ARFIP1: variants seen among roughly 807,000 people sequenced by gnomAD.
ARFIP1 encodes arfaptin-1.
A neutral mutation model predicts 42.5 loss-of-function variants in ARFIP1; 24 were observed. The ratio of observed to expected loss-of-function variants is 0.57; its 90% CI spans 0.41 to 0.80. The LOEUF (loss-of-function observed/expected upper bound fraction) is 0.80, where lower values mean the gene tolerates loss of function less well. ARFIP1 is among the 30% of genes least tolerant of loss of function. ARFIP1 has a pLI of 0.00. For missense variants in ARFIP1, 354 were observed against 434.0 expected, an observed-to-expected ratio of 0.82 and a Z score of 1.64; for synonymous variants, 141 against 153.7, an observed-to-expected ratio of 0.92 and a Z score of 0.61.
chr4:152,892,840 C>T (rs991202135), intron 8 of ARFIP1, among the ~76,000 whole-genome samples: 1 of 152,162 alleles, frequency 6.6e-6, no homozygotes, highest in African/African-American at 2.4e-5. Flanking sequence ...CTCTGATATT[C>T]TCTTCTTTGT....
At chr4:152,808,795 G>T (rs778383989) in intron 1 of ARFIP1, among the ~76,000 whole-genome samples, 2 of 152,166 alleles carry the variant, frequency 1.3e-5, no homozygotes, top group African/African-American at 4.8e-5. Context: ...GGAGCCGGGC[G>T]TGGTGGCTTT....
At chr4:152,796,197 T>G (rs1426691814) in intron 1 of ARFIP1, 6 of 788,322 alleles carry the variant, frequency 7.6e-6, no homozygotes, top group African/African-American at 1.7e-5. Context: ...TGACAGTCTT[T>G]AGTAATAACA....
intron 1 of ARFIP1, chr4:152,809,624 A>G (rs1729289753): frequency 6.6e-6 from 1 of 152,202 alleles, no homozygotes; most frequent in South Asian, 2.1e-4. Flanking sequence ...TAAAATCTTT[A>G]TTAGATATGT....
At chr4:152,895,692 A>T (rs938989373) in intron 8 of ARFIP1, among the ~76,000 whole-genome samples, 2 of 150,162 alleles carry the variant, frequency 1.3e-5, no homozygotes, top group Admixed American at 1.3e-4. Flanking sequence ...TTTAGAGTAG[A>T]TGGGATGACA....
At chr4:152,866,526 GCGGC>G (rs1734368048) in intron 3 of ARFIP1, among the ~76,000 whole-genome samples, 5 of 104,754 alleles carry the variant, frequency 4.8e-5, no homozygotes, top group South Asian at 2.9e-4. Context: ...CCCGGACGGG[GCGGC>G]TGGCCGCGCG....
intron 8 of ARFIP1, among the ~76,000 whole-genome samples, chr4:152,889,911 A>G (rs1309941917): frequency 7.3e-6 from 1 of 137,424 alleles, no homozygotes; most frequent in Non-Finnish European, 1.5e-5. Flanking sequence ...ATATATACTA[A>G]TATATAGTGT....
At chr4:152,827,742 G>A (rs1237253030) in intron 1 of ARFIP1, among the ~76,000 whole-genome samples, 2 of 152,076 alleles carry the variant, frequency 1.3e-5, no homozygotes, top group African/African-American at 4.8e-5. Context: ...GTGTTGTGAT[G>A]TTGGCTCACA....
At chr4:152,800,959 A>T (rs1199278507) in intron 1 of ARFIP1, among the ~76,000 whole-genome samples, 1 of 152,152 alleles carries the variant, frequency 6.6e-6, no homozygotes, top group East Asian at 1.9e-4. Flanking sequence ...AAAAGCACAG[A>T]TAAAGAACAT....
At chr4:152,860,111 G>T (rs1733768988) in intron 2 of ARFIP1, among the ~76,000 whole-genome samples, 1 of 152,002 alleles carries the variant, frequency 6.6e-6, no homozygotes, top group Non-Finnish European at 1.5e-5. Flanking sequence ...TAAAAATTGG[G>T]ATGAAGGAGA....
rs929852466 is a variant in ARFIP1, at chr4:152,909,125, C to T, written c.967-939C>T. On this transcript the variant is annotated intron_variant, in intron 8 of 8. Transcript: ENST00000353617. ...GATGTCCGGGCTTGGTGGCTTACGCCTGTAATCCCAGCACTTTGGGAGGCT... is the reference window on the plus strand; with the variant it reads ...GATGTCCGGGCTTGGTGGCTTACGCTTGTAATCCCAGCACTTTGGGAGGCT... 3.3e-5 allele frequency among the ~76,000 whole-genome samples: 5 copies of T among 152,126 alleles called. No individual in the cohort carries two copies. The East Asian group carries it at 9.6e-4, about 29-fold the overall frequency.
intron 1 of ARFIP1, among the ~76,000 whole-genome samples, chr4:152,814,572 G>A (rs183280435): frequency 3.9e-5 from 6 of 152,200 alleles, no homozygotes; most frequent in East Asian, 3.9e-4. Flanking sequence ...CAAAAAATTA[G>A]CCAGGCATGG....
At chr4:152,796,892 A>G (rs1578815884) in intron 1 of ARFIP1, 2 of 411,480 alleles carry the variant, frequency 4.9e-6, no homozygotes, top group East Asian at 8.4e-5. Flanking sequence ...GCTCTCCTTT[A>G]CCTTTGTTTT....
At chr4:152,794,914 TC>T (rs1408757910) in intron 1 of ARFIP1, among the ~76,000 whole-genome samples, 1 of 152,196 alleles carries the variant, frequency 6.6e-6, no homozygotes, top group African/African-American at 2.4e-5. Flanking sequence ...GCTCCTGTGT[TC>T]TTTCAACAAA....
intron 1 of ARFIP1, among the ~76,000 whole-genome samples, chr4:152,812,645 G>C (rs1272623386): frequency 6.6e-6 from 1 of 152,152 alleles, no homozygotes; most frequent in East Asian, 1.9e-4. Context: ...CAAATGAACT[G>C]GTGGACTTGG....
intron 2 of ARFIP1, among the ~76,000 whole-genome samples, chr4:152,841,269 C>T (rs1405509537): frequency 2.0e-5 from 3 of 151,946 alleles, no homozygotes; most frequent in South Asian, 2.1e-4. Context: ...CTCCTGACCT[C>T]GTGATCCGCC....
intron 1 of ARFIP1, among the ~76,000 whole-genome samples, chr4:152,807,674 A>C (rs910487282): frequency 6.7e-6 from 1 of 149,790 alleles, no homozygotes; most frequent in South Asian, 2.1e-4. Context: ...TCACATATAG[A>C]TATTGTAACT....
At chr4:152,883,192 T>G in intron 7 of ARFIP1, 1 of 252,038 alleles carries the variant, frequency 4.0e-6, no homozygotes, top group Middle Eastern at 1.4e-3. Flanking sequence ...CTTGCTTCAT[T>G]GCCTTGAGAT....
At chr4:152,901,222 G>A (rs571503126) in intron 8 of ARFIP1, among the ~76,000 whole-genome samples, 1 of 152,166 alleles carries the variant, frequency 6.6e-6, no homozygotes, top group Non-Finnish European at 1.5e-5. Flanking sequence ...TTTTGATGTG[G>A]ACAAGGTAAT....
chr4:152,857,062 C>T (rs979380438), intron 2 of ARFIP1, among the ~76,000 whole-genome samples: 3 of 152,108 alleles, frequency 2.0e-5, no homozygotes, highest in Non-Finnish European at 2.9e-5. Context: ...CTTGGAGACT[C>T]GGTTTAAAAA....
Sources: allele counts gnomAD v4.1 joint callset (sites outside exome capture counted in the v4.1 genomes callset), GRCh38; gene constraint gnomAD v4.1.1; transcripts MANE v1.5; gene names NCBI Gene and HGNC (gene_info 2026-07-23, HGNC 2026-07-21).